Variants in RAB22A observed in about 807,000 individuals in gnomAD.
The protein encoded by RAB22A is RAB22A, member RAS oncogene family.
Under a neutral mutation model 30.2 loss-of-function variants are expected in RAB22A, and 13 were observed. The observed-to-expected ratio is 0.43, with a 90% CI of 0.28 to 0.68. The LOEUF is 0.68. Ranked by LOEUF, RAB22A falls within the 30% of genes least tolerant of loss-of-function variation. RAB22A has a pLI of 0.18. For missense variants in RAB22A, 177 were observed against 246.8 expected (o/e 0.72, Z 1.89); for synonymous variants, 89 against 87.2 (o/e 1.02, Z -0.11).
At chr20:58,355,854 G>A (rs1987121340) in intron 6 of RAB22A, among the ~76,000 whole-genome samples, 1 of 152,124 alleles carries the variant, frequency 6.6e-6, no homozygotes, top group African/African-American at 2.4e-5. Flanking sequence ...GTTTATTGTT[G>A]TCCTGGATGT....
At chr20:58,331,334 A>T (rs1355193822) in intron 2 of RAB22A, among the ~76,000 whole-genome samples, 1 of 152,096 alleles carries the variant, frequency 6.6e-6, no homozygotes, top group Admixed American at 6.5e-5. Flanking sequence ...TAAAATCTAT[A>T]ATCATCTATT....
At chr20:58,317,853 C>G (rs547535686) in intron 2 of RAB22A, among the ~76,000 whole-genome samples, 1 of 149,788 alleles carries the variant, frequency 6.7e-6, no homozygotes, top group Non-Finnish European at 1.5e-5. Context: ...GCCTATTATT[C>G]TTTTTTAATT....
chr20:58,340,026 G>T lies in RAB22A; in HGVS notation c.117-3692G>T, dbSNP rs146048411. Among the ~76,000 whole-genome samples, 126 of 152,264 alleles carry T rather than the reference G, an allele frequency of 8.3e-4. 2 individuals are homozygous for T. The East Asian group carries it at 0.022, about 27-fold the overall frequency. On this transcript the variant is annotated intron_variant, in intron 2 of 6. Coordinates refer to ENST00000244040, the MANE Select transcript of RAB22A (RefSeq NM_020673.3). ...CCAATCCTAATGCTGAGGAGGAAGT[G>T]GTTCTTACAGATGTGATAGGCCAAG... is the stretch of plus-strand genomic sequence containing the variant.
In RAB22A at chr20:58,361,355, C is replaced by G. The variant is rs539813050; in HGVS notation, c.*1652C>G. The G allele has an allele frequency of 6.6e-6, 1 of 152,454 alleles. No individual in the cohort carries two copies. The highest frequency in any genetic ancestry group is 2.4e-5 in the African/African-American group (1 of 41,440). The allele number at this position is 152,454 out of a possible 1,614,324, so 9.4% of individuals were successfully genotyped here. A position where few individuals can be genotyped will look rare whatever the true frequency, so the allele number is the denominator to read the frequency against. On this transcript the variant is annotated 3_prime_UTR_variant, in exon 7 of 7. Coordinates refer to ENST00000244040, the MANE Select transcript of RAB22A (RefSeq NM_020673.3). ...AGATTTTAATGGGAAAATTATAATTCAGATTAAATAAAAAACAATTCCCTT... is the reference window on the plus strand; with the variant it reads ...AGATTTTAATGGGAAAATTATAATTGAGATTAAATAAAAAACAATTCCCTT...
At chr20:58,332,251 C>T (rs1476996590) in intron 2 of RAB22A, among the ~76,000 whole-genome samples, 1 of 152,166 alleles carries the variant, frequency 6.6e-6, no homozygotes, top group East Asian at 1.9e-4. Flanking sequence ...ATAGACCATT[C>T]AGAAGAGAGC....
chr20:58,357,915 A>T (rs2122972881), intron 6 of RAB22A, among the ~76,000 whole-genome samples: 1 of 152,364 alleles, frequency 6.6e-6, no homozygotes, highest in South Asian at 2.1e-4. Context: ...ATGTCCATTT[A>T]TTCCATGTTT....
At chr20:58,349,585 C>T (rs1341977714) in intron 3 of RAB22A, among the ~76,000 whole-genome samples, 2 of 152,196 alleles carry the variant, frequency 1.3e-5, no homozygotes, top group Non-Finnish European at 2.9e-5. Context: ...CTCATTACAG[C>T]AGGGCTAGAC....
chr20:58,316,062 C>T (rs1468920042), intron 2 of RAB22A, among the ~76,000 whole-genome samples: 3 of 152,176 alleles, frequency 2.0e-5, no homozygotes, highest in Non-Finnish European at 4.4e-5. Flanking sequence ...ATGCTATTCT[C>T]TCTCAGGGCC....
chr20:58,318,787 G>A (rs1370912059), intron 2 of RAB22A, among the ~76,000 whole-genome samples: 2 of 152,176 alleles, frequency 1.3e-5, no homozygotes, highest in African/African-American at 2.4e-5. Flanking sequence ...GGGAGTCAAT[G>A]TGCCATAGTG....
At chr20:58,311,666 T>C (rs556441129) in intron 2 of RAB22A, among the ~76,000 whole-genome samples, 1 of 152,338 alleles carries the variant, frequency 6.6e-6, no homozygotes, top group African/African-American at 2.4e-5. Context: ...AAACTTTTCA[T>C]TTTGCAATAC....
chr20:58,320,216 G>A (rs1986425470), intron 2 of RAB22A, among the ~76,000 whole-genome samples: 1 of 152,174 alleles, frequency 6.6e-6, no homozygotes, highest in African/African-American at 2.4e-5. Context: ...GAAACCATCT[G>A]AGCAGGGAGT....
intron 2 of RAB22A, among the ~76,000 whole-genome samples, chr20:58,332,170 A>G (rs1303335346): frequency 2.0e-5 from 3 of 152,242 alleles, no homozygotes; most frequent in Non-Finnish European, 2.9e-5. Context: ...AACAAGCAAG[A>G]TAAGTTTTTA....
At chr20:58,353,699 T>C (rs552295360) in intron 5 of RAB22A, among the ~76,000 whole-genome samples, 161 bp downstream of exon 5, 10 of 152,320 alleles carry the variant, frequency 6.6e-5, no homozygotes, top group Non-Finnish European at 1.3e-4. Context: ...AAATTAAGAT[T>C]TCAGGCATTT....
At chr20:58,314,910 G>A (rs1010696672) in intron 2 of RAB22A, among the ~76,000 whole-genome samples, 1 of 152,034 alleles carries the variant, frequency 6.6e-6, no homozygotes, top group African/African-American at 2.4e-5. Context: ...GTGAGGGACG[G>A]TGGGTAGAAA....
intron 3 of RAB22A, among the ~76,000 whole-genome samples, chr20:58,350,091 A>C (rs1193855880): frequency 6.6e-6 from 1 of 151,828 alleles, no homozygotes; most frequent in African/African-American, 2.4e-5. Flanking sequence ...GCAAAAGCCC[A>C]TCTCTTAAGG....
intron 2 of RAB22A, among the ~76,000 whole-genome samples, chr20:58,337,427 A>G (rs1199338425): frequency 6.6e-6 from 1 of 152,126 alleles, no homozygotes; most frequent in African/African-American, 2.4e-5. Context: ...ATTTAATCAC[A>G]TCGGGCAGGT....
chr20:58,326,442 T>A (rs1986569947), intron 2 of RAB22A, among the ~76,000 whole-genome samples: 1 of 152,210 alleles, frequency 6.6e-6, no homozygotes, highest in Non-Finnish European at 1.5e-5. Flanking sequence ...CATGAAATAA[T>A]GTTTTGCGGA....
chr20:58,353,136 G>T, intron 3 of RAB22A, 137 bp from the exon 4 acceptor site: 1 of 766,388 alleles, frequency 1.3e-6, no homozygotes, highest in Non-Finnish European at 2.1e-6. Context: ...TGGTTCATTT[G>T]CTTTAAAGCA....
intron 2 of RAB22A, 58 bp downstream of exon 2, chr20:58,311,180 A>T (rs900559229): frequency 4.3e-5 from 62 of 1,442,428 alleles, no homozygotes; most frequent in Non-Finnish European, 4.9e-5. Context: ...TTCCAAATAC[A>T]TAGTGTGTTA....
Sources: allele counts gnomAD v4.1 joint callset (sites outside exome capture counted in the v4.1 genomes callset), GRCh38; gene constraint gnomAD v4.1.1; transcripts MANE v1.5; gene names NCBI Gene and HGNC (gene_info 2026-07-23, HGNC 2026-07-21).